TRAPPC9: variants seen among roughly 807,000 people sequenced by gnomAD.
The protein encoded by TRAPPC9 is trafficking protein particle complex subunit 9.
A neutral mutation model predicts 124.0 loss-of-function variants in TRAPPC9; 83 were observed. The observed-to-expected ratio is 0.67, with a 90% confidence interval of 0.56 to 0.80. The LOEUF (loss-of-function observed/expected upper bound fraction) is 0.80. Among genes scored for constraint, TRAPPC9 ranks in the 30% least tolerant of loss-of-function variants. TRAPPC9 has a pLI of 0.00. For synonymous variants in TRAPPC9, 638 were observed against 617.5 expected (o/e 1.03, Z -0.49); for missense variants, 1,302 against 1,508.3 (o/e 0.86, Z 2.27).
At chr8:139,994,296 T>C (rs2131740692) in intron 18 of TRAPPC9, among the ~76,000 whole-genome samples, 1 of 152,352 alleles carries the variant, frequency 6.6e-6, no homozygotes, top group East Asian at 1.9e-4. Context: ...ATCGTCCTTC[T>C]GTGGAGCCGA....
At chr8:139,851,449 G>T (rs1442490159) in intron 21 of TRAPPC9, among the ~76,000 whole-genome samples, 1 of 152,158 alleles carries the variant, frequency 6.6e-6, no homozygotes, top group Non-Finnish European at 1.5e-5. Context: ...ACAACAGGAT[G>T]GTGGTTAGAC....
intron 9 of TRAPPC9, among the ~76,000 whole-genome samples, chr8:140,356,686 T>C (rs578003295): frequency 6.6e-6 from 1 of 151,562 alleles, no homozygotes; most frequent in Non-Finnish European, 1.5e-5. Context: ...CTCGGCTCAC[T>C]GCAACCTCCA....
intron 17 of TRAPPC9, among the ~76,000 whole-genome samples, chr8:140,043,440 C>T (rs574569697): frequency 5.3e-5 from 8 of 152,318 alleles, no homozygotes; most frequent in African/African-American, 1.9e-4. Flanking sequence ...CCAGACCTCA[C>T]CTTCAGTGAT....
intron 17 of TRAPPC9, among the ~76,000 whole-genome samples, chr8:140,218,995 G>A (rs1047763292): frequency 6.6e-6 from 1 of 151,956 alleles, no homozygotes; most frequent in African/African-American, 2.4e-5. Context: ...GATTTTAGGA[G>A]GAAACAGTCA....
In TRAPPC9 at chr8:139,974,469, T is replaced by C. The variant is rs905733469; in HGVS notation, c.2810+14257A>G. Among the ~76,000 whole-genome samples, 9 of 152,176 alleles carry C rather than the reference T, an allele frequency of 5.9e-5. No homozygotes were observed. The South Asian group carries it at 1.0e-3, about 17-fold the overall frequency. ...AGTGCCCACCACAGAAACACCCACA[T>C]GACCTCACTACAACCTCTTGGCAAC... On this transcript the variant is annotated intron_variant, in intron 19 of 22. Transcript: ENST00000438773.
chr8:140,140,853 ACAATCAC>A (rs544034532), intron 17 of TRAPPC9, among the ~76,000 whole-genome samples: 56 of 152,140 alleles, frequency 3.7e-4, no homozygotes, highest in African/African-American at 1.3e-3. Context: ...TATTTCTGCT[ACAATCAC>A]CACCCCAATG....
intron 5 of TRAPPC9, among the ~76,000 whole-genome samples, chr8:140,409,512 C>T (rs2069615730): frequency 6.6e-6 from 1 of 152,132 alleles, no homozygotes; most frequent in Non-Finnish European, 1.5e-5. Flanking sequence ...ATGTGATTTG[C>T]TGATATATTA....
chr8:139,802,910 C>T (rs780073017), intron 21 of TRAPPC9, among the ~76,000 whole-genome samples: 22 of 151,696 alleles, frequency 1.5e-4, no homozygotes, highest in South Asian at 8.4e-4. Flanking sequence ...TTGTGTATGT[C>T]GGTGTGTGTT....
chr8:139,988,669 A>C, intron 19 of TRAPPC9, 57 bp downstream of exon 19: 1 of 1,164,822 alleles, frequency 8.6e-7, no homozygotes, highest in East Asian at 2.6e-5. Flanking sequence ...CCTCCCAAGC[A>C]GCGTGGTGAA....
intron 17 of TRAPPC9, among the ~76,000 whole-genome samples, chr8:140,162,991 C>CA (rs1321351058): frequency 1.3e-4 from 19 of 149,838 alleles, no homozygotes; most frequent in South Asian, 6.3e-4. Flanking sequence ...GACCCTGTCT[C>CA]AAAAAAAAAG....
At chr8:140,043,981 A>T (rs1178307050) in intron 17 of TRAPPC9, among the ~76,000 whole-genome samples, 1 of 152,194 alleles carries the variant, frequency 6.6e-6, no homozygotes, top group East Asian at 1.9e-4. Flanking sequence ...CTCCAGCCAC[A>T]GCCTGCAGGT....
At chr8:140,380,549 G>A (rs138332773) in intron 7 of TRAPPC9, among the ~76,000 whole-genome samples, 1 of 150,552 alleles carries the variant, frequency 6.6e-6, no homozygotes, top group Non-Finnish European at 1.5e-5. Flanking sequence ...CAACTACTCA[G>A]GAGACTGAGG....
chr8:140,096,771 T>G (rs1844982889), intron 17 of TRAPPC9: 1 of 151,612 alleles, frequency 6.6e-6, no homozygotes, highest in African/African-American at 2.4e-5. Context: ...TGGTTGGAAT[T>G]GAGAAAATGC....
rs1835157509 is a variant in TRAPPC9 at position 139,958,701 on chromosome 8, C to T, written c.2810+30025G>A. Among the ~76,000 whole-genome samples, 5 of 152,164 alleles carry T rather than the reference C, an allele frequency of 3.3e-5. No homozygotes were observed. In the South Asian group the frequency reaches 1.0e-3, roughly 32 times the overall value. ...CCCAGGAACACGGTGTCTGGGATGG[C>T]GGAGGCACCACACTTATTTACAGAC... is the stretch of plus-strand genomic sequence containing the variant. On this transcript the variant is annotated intron_variant, in intron 19 of 22. Coordinates refer to ENST00000438773, the MANE Select transcript of TRAPPC9 (RefSeq NM_001160372.4).
At chr8:140,421,852 A>G (rs2070222310) in intron 5 of TRAPPC9, among the ~76,000 whole-genome samples, 1 of 152,118 alleles carries the variant, frequency 6.6e-6, no homozygotes, top group African/African-American at 2.4e-5. Context: ...TGTTAGCTCA[A>G]CTAGCAGTGA....
rs960220446 is a variant in TRAPPC9, at chr8:139,962,453, C to G, written c.2810+26273G>C. ...TCTTTTTTTCATTCATCCATTCATT[C>G]AACACACACACAGTATTTGTGGTTT... On this transcript the variant is annotated intron_variant, in intron 19 of 22. Transcript: ENST00000438773. Among the ~76,000 whole-genome samples the G allele has an allele frequency of 2.2e-4, 27 of 125,396 alleles. 1 individual carries two copies. Among genetic ancestry groups the G allele is most frequent in the African/African-American group, 6.3e-4 (25 of 39,538 alleles). 82.3% of individuals were successfully genotyped at this position (125,396 alleles called of 152,430 possible). A position where few individuals can be genotyped will look rare whatever the true frequency, so the allele number is the denominator to read the frequency against.
Position 139,907,405 on chromosome 8 carries a change from A to AT in TRAPPC9, c.2964+2741_2964+2742insA, listed in dbSNP as rs1831428007. Among the ~76,000 whole-genome samples the AT allele has an allele frequency of 6.6e-6, 1 of 152,178 alleles. No individual in the cohort carries two copies. Among genetic ancestry groups the AT allele is most frequent in the African/African-American group, 2.4e-5 (1 of 41,436 alleles). ...TATTAAAATGCATAATGAAATTATTAGCCAATTCAATCTTTGGTCTTTCCA... is the reference window on the plus strand; with the variant it reads ...TATTAAAATGCATAATGAAATTATTATGCCAATTCAATCTTTGGTCTTTCCA... On this transcript the variant is annotated intron_variant, in intron 20 of 22. Coordinates refer to ENST00000438773, the MANE Select transcript of TRAPPC9 (RefSeq NM_001160372.4). The surrounding 1 kb of genome is among the most constrained non-coding windows in gnomAD (Gnocchi z 4.7).
chr8:140,380,586 C>T (rs969328790), intron 7 of TRAPPC9, among the ~76,000 whole-genome samples: 1 of 128,850 alleles, frequency 7.8e-6, no homozygotes, highest in Non-Finnish European at 1.6e-5. Flanking sequence ...ACCCGGGAGG[C>T]GGGGGCTACA....
intron 21 of TRAPPC9, among the ~76,000 whole-genome samples, chr8:139,773,909 G>A (rs1199262639): frequency 6.6e-6 from 1 of 152,244 alleles, no homozygotes; most frequent in Non-Finnish European, 1.5e-5. Context: ...CGGCACGCAT[G>A]TTCAGTGGAG....
Sources: allele counts gnomAD v4.1 joint callset (sites outside exome capture counted in the v4.1 genomes callset), GRCh38; gene constraint gnomAD v4.1.1; non-coding constraint Gnocchi (gnomAD v3.1); transcripts MANE v1.5; gene names NCBI Gene and HGNC (gene_info 2026-07-23, HGNC 2026-07-21).